MILR1: variants seen among roughly 807,000 people sequenced by gnomAD.
MILR1 encodes the protein allergin-1.
Under a neutral mutation model 18.5 loss-of-function variants are expected in MILR1, and 31 were observed. The observed-to-expected ratio is 1.68, with a 90% CI of 1.26 to 2.26. The LOEUF (loss-of-function observed/expected upper bound fraction) is 2.26. MILR1 is among the 30% of genes most tolerant of loss of function. The probability of loss-of-function intolerance (pLI) is 0.00; values close to 1 mark genes in which losing one functional copy is unlikely to be tolerated. For synonymous variants in MILR1, 85 were observed against 56.2 expected (o/e 1.51, Z -2.30); for missense variants, 257 against 157.4 (o/e 1.63, Z -3.38).
chr17:64,450,602 C>T (rs2037148459), intron 2 of MILR1, among the ~76,000 whole-genome samples: 1 of 152,154 alleles, frequency 6.6e-6, no homozygotes, highest in African/African-American at 2.4e-5. Context: ...GCCTCAGCCT[C>T]CCGAGTAGCT....
At chr17:64,497,137 G>A in the MILR1 span, 4 of 706,416 alleles carry the variant, frequency 5.7e-6, no homozygotes, top group Admixed American at 4.2e-5. Context: ...TCCGGCCGCA[G>A]CCGTCCCCCG....
chr17:64,451,914 A>G (rs2037178823), intron 2 of MILR1, among the ~76,000 whole-genome samples: 1 of 151,852 alleles, frequency 6.6e-6, no homozygotes, highest in South Asian at 2.1e-4. Flanking sequence ...CCTGGGCAAC[A>G]GAGTGAGACT....
At chr17:64,463,471 A>G (rs1388539562) in intron 5 of MILR1, among the ~76,000 whole-genome samples, 2 of 152,170 alleles carry the variant, frequency 1.3e-5, no homozygotes, top group African/African-American at 4.8e-5. Context: ...GCTGTTGGAC[A>G]AGCCCCTCAG....
the MILR1 span, chr17:64,493,055 T>A: frequency 6.2e-7 from 1 of 1,611,556 alleles, no homozygotes; most frequent in East Asian, 2.2e-5. Flanking sequence ...TGTATACATC[T>A]AGTCCACAAA....
At chr17:64,463,564 G>A (rs2037479335) in intron 5 of MILR1, among the ~76,000 whole-genome samples, 1 of 152,178 alleles carries the variant, frequency 6.6e-6, no homozygotes, top group African/African-American at 2.4e-5. Context: ...AACCAATTGA[G>A]AACCATCTCC....
At chr17:64,488,718 C>T in the MILR1 span, among the ~76,000 whole-genome samples, 1 of 152,282 alleles carries the variant, frequency 6.6e-6, no homozygotes, top group South Asian at 2.1e-4. Flanking sequence ...GGAAAATGTT[C>T]ACCAGTTAAT....
chr17:64,490,462 T>C, the MILR1 span: 26 of 339,898 alleles, frequency 7.6e-5, 1 homozygote, highest in South Asian at 4.8e-4. Flanking sequence ...ACTGTACTCT[T>C]CAAAAATGTC....
Position 64,460,909 on chromosome 17 carries a change from G to T in MILR1, c.740G>T (p.Trp247Leu). Residue 247 changes from tryptophan (W) to leucine (L), a missense_variant, in exon 5 of 10, where the codon TGG becomes TTG. Coordinates refer to ENST00000619286, the MANE Select transcript of MILR1 (RefSeq NM_001085423.2). ...LVVIILILAF[W>L]VLPKYKTRKA... ...GTGATAATCCTAATTCTGGCTTTTTGGGTACTGCCCAAATACAAAACAAGT... is the reference window on the plus strand; with the variant it reads ...GTGATAATCCTAATTCTGGCTTTTTTGGTACTGCCCAAATACAAAACAAGT... 1 of 474,960 alleles carries T rather than the reference G, an allele frequency of 2.1e-6. No individual in the cohort carries two copies. The highest frequency in any genetic ancestry group is 6.7e-5 in the South Asian group (1 of 14,856). The allele number at this position is 474,960 out of a possible 1,614,324, so 29.4% of individuals were successfully genotyped here. A position where few individuals can be genotyped will look rare whatever the true frequency, so the allele number is the denominator to read the frequency against.
the MILR1 span, among the ~76,000 whole-genome samples, chr17:64,477,256 T>C: frequency 6.6e-6 from 1 of 152,210 alleles, no homozygotes; most frequent in Admixed American, 6.5e-5. Context: ...AATCAGATCA[T>C]TTTCATTCCC....
the MILR1 span, chr17:64,477,874 G>T: frequency 1.2e-6 from 2 of 1,612,470 alleles, no homozygotes; most frequent in South Asian, 2.2e-5. Context: ...CTTTTAATTT[G>T]GATATATGCA....
At chr17:64,490,927 C>T in the MILR1 span, 1 of 1,614,028 alleles carries the variant, frequency 6.2e-7, no homozygotes, top group Non-Finnish European at 8.5e-7. Flanking sequence ...CCTTCTTCAT[C>T]CTGACAGTCA....
downstream of MILR1, among the ~76,000 whole-genome samples, chr17:64,470,424 T>C (rs1332114673): frequency 6.6e-6 from 1 of 152,198 alleles, no homozygotes; most frequent in African/African-American, 2.4e-5. Context: ...TACCATTGAA[T>C]TACACACCTA....
chr17:64,456,714 A>C (rs1274052449), intron 3 of MILR1, among the ~76,000 whole-genome samples: 6 of 152,128 alleles, frequency 3.9e-5, no homozygotes, highest in African/African-American at 1.4e-4. Flanking sequence ...AGGCAGGAGG[A>C]TCACTTGAGC....
chr17:64,487,613 C>CAAAAA, the MILR1 span: 1 of 73,668 alleles, frequency 1.4e-5, no homozygotes, highest in African/African-American at 3.9e-5. Flanking sequence ...GACACCATCT[C>CAAAAA]AAAAAAAAAA....
At chr17:64,497,073 G>A in the MILR1 span, 5 of 1,202,896 alleles carry the variant, frequency 4.2e-6, no homozygotes, top group Non-Finnish European at 6.0e-6. Flanking sequence ...AGGCGCAACG[G>A]AGGTGAGCGT....
At chr17:64,497,016 C>T in the MILR1 span, 3 of 1,537,968 alleles carry the variant, frequency 2.0e-6, no homozygotes, top group Non-Finnish European at 2.7e-6. Flanking sequence ...CAACGGATCC[C>T]AACAAGCCAC....
At chr17:64,461,027 G>T in intron 5 of MILR1, 95 bp downstream of exon 5, 1 of 443,604 alleles carries the variant, frequency 2.3e-6, no homozygotes. Context: ...AAGGGGATTG[G>T]AAATAGAATA....
chr17:64,457,940 T>A (rs1325929841), intron 4 of MILR1, among the ~76,000 whole-genome samples: 2 of 152,182 alleles, frequency 1.3e-5, no homozygotes, highest in Non-Finnish European at 2.9e-5. Flanking sequence ...CAAACTCTCA[T>A]GGGGTTGCTT....
At chr17:64,465,786 T>C (rs1598103527) in intron 6 of MILR1, among the ~76,000 whole-genome samples, 1 of 152,194 alleles carries the variant, frequency 6.6e-6, no homozygotes, top group East Asian at 1.9e-4. Context: ...TTCTACACCA[T>C]GATTTTGTTT....
Sources: allele counts gnomAD v4.1 joint callset (sites outside exome capture counted in the v4.1 genomes callset), GRCh38; gene constraint gnomAD v4.1.1; transcripts MANE v1.5; gene names NCBI Gene and HGNC (gene_info 2026-07-23, HGNC 2026-07-21).